Variants in EGFR observed in about 807,000 individuals in gnomAD.
The protein encoded by EGFR is epidermal growth factor receptor.
A neutral mutation model predicts 143.0 loss-of-function variants in EGFR; 58 were observed. The observed-to-expected ratio is 0.41, with a 90% confidence interval of 0.33 to 0.50. The LOEUF is 0.50. EGFR is among the 20% of genes least tolerant of loss of function. EGFR has a pLI of 0.39. For missense variants in EGFR, 1,307 were observed against 1,579.0 expected (o/e 0.83, Z 2.92); for synonymous variants, 613 against 594.4 (o/e 1.03, Z -0.45).
chr7:55,159,610 G>A (rs1372075586), intron 11 of EGFR, among the ~76,000 whole-genome samples: 1 of 152,172 alleles, frequency 6.6e-6, no homozygotes, highest in Non-Finnish European at 1.5e-5. Flanking sequence ...CACTCACTGT[G>A]CTCTTCACAC....
At chr7:55,034,923 A>G (rs1042633798) in intron 1 of EGFR, among the ~76,000 whole-genome samples, 1 of 152,184 alleles carries the variant, frequency 6.6e-6, no homozygotes, top group Admixed American at 6.5e-5. Context: ...GATTTAATAG[A>G]TATTTGATTT....
At chr7:55,019,995 C>A (rs1381506677) in intron 1 of EGFR, among the ~76,000 whole-genome samples, 1 of 152,220 alleles carries the variant, frequency 6.6e-6, no homozygotes, top group Non-Finnish European at 1.5e-5. Flanking sequence ...TCTCCAGGTC[C>A]CCGCGATCCT....
chr7:55,059,827 G>A (rs569751691), intron 1 of EGFR, among the ~76,000 whole-genome samples: 98 of 152,266 alleles, frequency 6.4e-4, no homozygotes, highest in African/African-American at 1.9e-3. Context: ...TTTCTTATGC[G>A]TTACATCGTC....
intron 16 of EGFR, 81 bp from the exon 17 acceptor site, chr7:55,172,902 A>T: frequency 6.2e-7 from 1 of 1,612,876 alleles, no homozygotes; most frequent in East Asian, 2.2e-5. Flanking sequence ...GTGCACTGAA[A>T]CATGCAGGGG....
Position 55,205,906 on chromosome 7 carries a change from A to AT in EGFR, c.*289_*290insT. 1 of 483,916 alleles carries AT rather than the reference A, an allele frequency of 2.1e-6. No homozygotes were observed. Among genetic ancestry groups the AT allele is most frequent in the Non-Finnish European group, 3.7e-6 (1 of 268,384 alleles). 30.0% of individuals were successfully genotyped at this position (483,916 alleles called of 1,614,324 possible). ...TTCAAAGAGGTATATTTGAAAAAAA[A>AT]AAAAAGTATATGTGAGGATTTTTAT... is the stretch of plus-strand genomic sequence containing the variant. On this transcript the variant is annotated 3_prime_UTR_variant, in exon 28 of 28. Coordinates refer to ENST00000275493, the MANE Select transcript of EGFR (RefSeq NM_005228.5).
intron 1 of EGFR, among the ~76,000 whole-genome samples, chr7:55,088,306 A>G (rs920207655): frequency 6.6e-6 from 1 of 152,198 alleles, no homozygotes; most frequent in Non-Finnish European, 1.5e-5. Context: ...AGCCCCATGA[A>G]AGAGTGCACA....
chr7:55,189,201 G>A (rs969785843), intron 20 of EGFR, among the ~76,000 whole-genome samples: 1 of 152,114 alleles, frequency 6.6e-6, no homozygotes, highest in Admixed American at 6.5e-5. Context: ...GGCTTAGCAG[G>A]TGCATTTCCC....
At chr7:55,032,360 G>A (rs1196567955) in intron 1 of EGFR, among the ~76,000 whole-genome samples, 1 of 152,172 alleles carries the variant, frequency 6.6e-6, no homozygotes, top group Non-Finnish European at 1.5e-5. Flanking sequence ...CATGGTGGAG[G>A]CTAAATGGGC....
At chr7:55,042,414 A>C (rs1291117001) in intron 1 of EGFR, among the ~76,000 whole-genome samples, 1 of 152,244 alleles carries the variant, frequency 6.6e-6, no homozygotes, top group Non-Finnish European at 1.5e-5. Flanking sequence ...ATGAGGAACT[A>C]CTTAAAGAAA....
chr7:55,109,791 T>C, intron 1 of EGFR: 1 of 985,398 alleles, frequency 1.0e-6, no homozygotes. Flanking sequence ...TTTCAGCAAA[T>C]GAAAACAAAA....
Position 55,142,297 on chromosome 7 carries a change from A to T in EGFR, c.100A>T (p.Thr34Ser), listed in dbSNP as rs2128926131. The T allele has an allele frequency of 6.2e-7, 1 of 1,614,218 alleles. No homozygotes were observed. Among genetic ancestry groups the T allele is most frequent in the Non-Finnish European group, 8.5e-7 (1 of 1,180,038 alleles). Residue 34 changes from threonine to serine, a missense_variant, in exon 2 of 28, where the codon ACG becomes TCG. This residue lies in a region of EGFR where 311 missense variants were observed against 412.3 expected (regional missense o/e 0.75). Coordinates refer to ENST00000275493, the MANE Select transcript of EGFR (RefSeq NM_005228.5). ...TCTTTTTCTTCCAGTTTGCCAAGGC[A>T]CGAGTAACAAGCTCACGCAGTTGGG... ...ALEEKKVCQG[T>S]SNKLTQLGTF...
At chr7:55,072,483 G>A (rs376872259) in intron 1 of EGFR, among the ~76,000 whole-genome samples, 5 of 152,202 alleles carry the variant, frequency 3.3e-5, no homozygotes, top group South Asian at 2.1e-4. Flanking sequence ...AGAGGGCTGC[G>A]GGCTGGATGA....
At chr7:55,182,783 A>G (rs1256073655) in intron 20 of EGFR, among the ~76,000 whole-genome samples, 1 of 152,050 alleles carries the variant, frequency 6.6e-6, no homozygotes, top group Non-Finnish European at 1.5e-5. Context: ...ATCACTGAAT[A>G]TTTTTGCCAT....
At chr7:55,176,309 T>G (rs898999328) in intron 19 of EGFR, among the ~76,000 whole-genome samples, 3 of 152,232 alleles carry the variant, frequency 2.0e-5, no homozygotes, top group African/African-American at 7.2e-5. Context: ...GGAAGCAGTG[T>G]TCACTGAAAA....
At chr7:55,078,973 G>A (rs907276263) in intron 1 of EGFR, among the ~76,000 whole-genome samples, 1 of 152,204 alleles carries the variant, frequency 6.6e-6, no homozygotes, top group Non-Finnish European at 1.5e-5. Flanking sequence ...GGGAGCAGGC[G>A]GGTACTTCTA....
intron 27 of EGFR, chr7:55,202,862 A>T (rs1787914445): frequency 1.5e-6 from 1 of 669,682 alleles, no homozygotes; most frequent in Non-Finnish European, 2.7e-6. Context: ...ATGAATCTGC[A>T]AAATTTCTAG....
intron 1 of EGFR, among the ~76,000 whole-genome samples, chr7:55,039,647 T>C (rs543795945): frequency 1.3e-5 from 2 of 152,276 alleles, no homozygotes; most frequent in South Asian, 2.1e-4. Flanking sequence ...GAGGTTCTTT[T>C]ATAAAGGGAG....
intron 18 of EGFR, among the ~76,000 whole-genome samples, chr7:55,174,436 A>G (rs1047399013): frequency 6.6e-6 from 1 of 152,198 alleles, no homozygotes; most frequent in Non-Finnish European, 1.5e-5. Flanking sequence ...GCCTAGACGC[A>G]GCATCATTAA....
intron 1 of EGFR, among the ~76,000 whole-genome samples, chr7:55,084,088 T>A (rs1230267282): frequency 6.6e-6 from 1 of 152,204 alleles, no homozygotes; most frequent in African/African-American, 2.4e-5. Context: ...TGGCTTACCA[T>A]GATGAGATGT....
Sources: gnomAD v4.1 joint callset for allele counts (sites outside exome capture counted in the v4.1 genomes callset) on GRCh38, gnomAD v4.1.1 for gene constraint, gnomAD v4.1.1 regional missense constraint, MANE v1.5 for transcripts, NCBI Gene and HGNC (gene_info 2026-07-23, HGNC 2026-07-21) for gene names.